Variants in SMYD3 observed in about 807,000 individuals in gnomAD.
SMYD3 encodes the protein SET and MYND domain containing 3, also known as histone-lysine N-methyltransferase SMYD3.
A neutral mutation model predicts 57.7 loss-of-function variants in SMYD3; 36 were observed. The observed-to-expected ratio is 0.62, with a 90% CI of 0.48 to 0.82. SMYD3 has a LOEUF of 0.82. SMYD3 is among the 40% of genes least tolerant of loss of function. The probability of loss-of-function intolerance (pLI) is 0.00; values close to 1 mark genes in which losing one functional copy is unlikely to be tolerated. For missense variants in SMYD3, 515 were observed against 538.8 expected, an observed-to-expected ratio of 0.96 and a Z score of 0.44; for synonymous variants, 211 against 195.0, an observed-to-expected ratio of 1.08 and a Z score of -0.68.
chr1:245,793,980 T>C (rs559211336), intron 10 of SMYD3, among the ~76,000 whole-genome samples: 1 of 152,318 alleles, frequency 6.6e-6, no homozygotes, highest in South Asian at 2.1e-4. Context: ...TTAAGCAGCA[T>C]GCAACTGGGC....
At chr1:246,170,781 C>T (rs528755572) in intron 5 of SMYD3, among the ~76,000 whole-genome samples, 11 of 152,238 alleles carry the variant, frequency 7.2e-5, no homozygotes, top group East Asian at 1.9e-4. Context: ...AAGACTGACA[C>T]GTTATAATGC....
intron 1 of SMYD3, among the ~76,000 whole-genome samples, chr1:246,402,381 T>TTTTTTTTTTTTTTTTTTTTTTTTG (rs1239559421): frequency 6.6e-6 from 1 of 151,502 alleles, no homozygotes; most frequent in Admixed American, 6.6e-5. Context: ...AACGCCATCT[T>TTTTTTTTTTTTTTTTTTTTTTTTG]AAAGATGATC....
At chr1:245,762,297 C>T (rs1445262852) in intron 11 of SMYD3, among the ~76,000 whole-genome samples, 4 of 152,152 alleles carry the variant, frequency 2.6e-5, no homozygotes, top group African/African-American at 7.2e-5. Flanking sequence ...TCACGGATCA[C>T]GTACGTACGA....
chr1:245,749,737 A>C, intron 11 of SMYD3, 73 bp from the exon 12 acceptor site: 2 of 1,176,264 alleles, frequency 1.7e-6, no homozygotes, highest in Non-Finnish European at 2.5e-6. Flanking sequence ...CCTTTACCCC[A>C]TGATGCCAGG....
At chr1:245,810,350 G>A (rs78775858) in intron 10 of SMYD3, among the ~76,000 whole-genome samples, 1 of 152,180 alleles carries the variant, frequency 6.6e-6, no homozygotes, top group Non-Finnish European at 1.5e-5. Flanking sequence ...CCCTGGGGAT[G>A]ACCCCCATGA....
At chr1:246,116,705 T>C (rs1434865123) in intron 5 of SMYD3, among the ~76,000 whole-genome samples, 1 of 152,190 alleles carries the variant, frequency 6.6e-6, no homozygotes, top group Non-Finnish European at 1.5e-5. Flanking sequence ...ATAGCACATA[T>C]AACTAGTTAG....
chr1:246,047,816 G>A (rs2059995178), intron 5 of SMYD3, among the ~76,000 whole-genome samples: 1 of 150,646 alleles, frequency 6.6e-6, no homozygotes, highest in Non-Finnish European at 1.5e-5. Flanking sequence ...CTCCAGCCTG[G>A]CAACAGAGTG....
At chr1:246,265,864 T>G (rs1395987374) in intron 5 of SMYD3, among the ~76,000 whole-genome samples, 2 of 152,210 alleles carry the variant, frequency 1.3e-5, no homozygotes, top group African/African-American at 4.8e-5. Flanking sequence ...CTCCTTATAT[T>G]GACAATCTTC....
intron 8 of SMYD3, among the ~76,000 whole-genome samples, chr1:245,871,080 C>A (rs1378364920): frequency 1.3e-5 from 2 of 152,168 alleles, no homozygotes; most frequent in African/African-American, 2.4e-5. Flanking sequence ...AATTAATGAA[C>A]ACTTACAAAC....
At chr1:246,367,171 TGTTCAGAA>T (rs2066118925) in intron 1 of SMYD3, among the ~76,000 whole-genome samples, 1 of 152,178 alleles carries the variant, frequency 6.6e-6, no homozygotes, top group African/African-American at 2.4e-5. Context: ...TGACAGCAAC[TGTTCAGAA>T]GTCTAATGCA....
In SMYD3 at chr1:246,084,703, C is replaced by T. The variant is rs2060695743; in HGVS notation, c.532-154766G>A. ...ACCTCTGAAAAATATATTTTGATATCTTAAAGTTTTGGTATATTTTCTTCT... is the reference window on the plus strand; with the variant it reads ...ACCTCTGAAAAATATATTTTGATATTTTAAAGTTTTGGTATATTTTCTTCT... On this transcript the variant is annotated intron_variant, in intron 5 of 11. Coordinates refer to ENST00000490107, the MANE Select transcript of SMYD3 (RefSeq NM_001167740.2). Among the ~76,000 whole-genome samples the T allele has an allele frequency of 1.3e-5, 2 of 152,088 alleles. 1 individual carries two copies. The highest frequency in any genetic ancestry group is 4.1e-4 in the South Asian group (2 of 4,830).
intron 10 of SMYD3, among the ~76,000 whole-genome samples, chr1:245,856,324 G>C (rs1191893110): frequency 6.6e-6 from 1 of 152,154 alleles, no homozygotes; most frequent in Non-Finnish European, 1.5e-5. Flanking sequence ...ATGTGAAGTG[G>C]ATCAATGCAG....
intron 8 of SMYD3, among the ~76,000 whole-genome samples, chr1:245,880,812 G>A (rs1024785089): frequency 6.6e-6 from 1 of 152,198 alleles, no homozygotes; most frequent in African/African-American, 2.4e-5. Context: ...TGTTCCAAGG[G>A]GCAGAACTAA....
intron 5 of SMYD3, among the ~76,000 whole-genome samples, chr1:246,002,781 G>A (rs2059100580): frequency 6.6e-6 from 1 of 151,968 alleles, no homozygotes. Context: ...ACGGGGTCCT[G>A]CTCTGTCACC....
chr1:245,793,177 C>A (rs553305983), intron 10 of SMYD3, among the ~76,000 whole-genome samples: 4 of 150,238 alleles, frequency 2.7e-5, no homozygotes, highest in Non-Finnish European at 4.4e-5. Context: ...GGCATGGTGG[C>A]GGGTGCCTGT....
intron 5 of SMYD3, among the ~76,000 whole-genome samples, chr1:246,082,620 G>A (rs924217275): frequency 2.6e-5 from 4 of 152,130 alleles, no homozygotes; most frequent in African/African-American, 9.7e-5. Context: ...TTTCCACTTG[G>A]CTAGCTCTGC....
In SMYD3 at chr1:246,052,134, A is replaced by G. The variant is rs1027833840; in HGVS notation, c.532-122197T>C. ...CATTTTTCTCTCTGAAGATCAGAGG[A>G]TTGAAAGGGGGTTATAAAACAGCCC... is the stretch of plus-strand genomic sequence containing the variant. On this transcript the variant is annotated intron_variant, in intron 5 of 11. Coordinates refer to ENST00000490107, the MANE Select transcript of SMYD3 (RefSeq NM_001167740.2). Among the ~76,000 whole-genome samples, 96 of 152,354 alleles carry G rather than the reference A, an allele frequency of 6.3e-4. 2 individuals are homozygous for G. Among genetic ancestry groups the G allele is most frequent in the Non-Finnish European group, 2.9e-4 (20 of 68,036 alleles).
intron 10 of SMYD3, among the ~76,000 whole-genome samples, chr1:245,780,774 T>C (rs1426436278): frequency 2.0e-5 from 3 of 152,166 alleles, no homozygotes; most frequent in Non-Finnish European, 2.9e-5. Context: ...GAAATAAAAA[T>C]ATATGTCCAT....
At chr1:245,886,671 A>G (rs2053100500) in intron 8 of SMYD3, among the ~76,000 whole-genome samples, 1 of 152,162 alleles carries the variant, frequency 6.6e-6, no homozygotes, top group Non-Finnish European at 1.5e-5. Context: ...AGCTCTCTAC[A>G]AGCTCTTCTT....
Sources: gnomAD v4.1 joint callset for allele counts (sites outside exome capture counted in the v4.1 genomes callset) on GRCh38, gnomAD v4.1.1 for gene constraint, MANE v1.5 for transcripts, NCBI Gene and HGNC (gene_info 2026-07-23, HGNC 2026-07-21) for gene names.